The following ANK2 variants were observed in gnomAD, a reference collection of about 807,000 sequenced individuals.
ANK2 encodes ankyrin 2.
In ANK2, 83 loss-of-function variants were observed where a neutral mutation model predicts 360.5. That is an observed-to-expected ratio of 0.23 (90% CI 0.19 to 0.28). ANK2 has a LOEUF of 0.28. ANK2 is among the 10% of genes least tolerant of loss of function. The pLI is 1.00. For synonymous variants in ANK2, 1,740 were observed against 1,759.5 expected (o/e 0.99, Z 0.28); for missense variants, 4,201 against 4,795.7 (o/e 0.88, Z 3.66).
At chr4:113,016,474 G>C (rs941918783) in intron 2 of ANK2, among the ~76,000 whole-genome samples, 2 of 152,040 alleles carry the variant, frequency 1.3e-5, no homozygotes, top group Non-Finnish European at 2.9e-5. Context: ...TCCACTCTGA[G>C]CCCTCCTGCC....
intron 2 of ANK2, among the ~76,000 whole-genome samples, chr4:112,908,194 A>G (rs1422270676): frequency 1.3e-5 from 2 of 152,230 alleles, no homozygotes; most frequent in African/African-American, 4.8e-5. Context: ...ACTTGCTAAC[A>G]GAGTTATAAA....
chr4:112,799,977 A>G, the ANK2 span, among the ~76,000 whole-genome samples: 17 of 152,250 alleles, frequency 1.1e-4, no homozygotes, highest in African/African-American at 4.1e-4. Flanking sequence ...AAGAATGAAC[A>G]AGAATCCACA....
intron 1 of ANK2, among the ~76,000 whole-genome samples, chr4:112,879,513 A>T (rs975813233): frequency 6.6e-6 from 1 of 152,180 alleles, no homozygotes; most frequent in Non-Finnish European, 1.5e-5. Context: ...GACCCAATAC[A>T]GAACCACCCA....
At position 113,357,472 on chromosome 4, in the gene ANK2, A is replaced by G; in HGVS notation, c.8854A>G (p.Thr2952Ala). ...AACCCAAACAGATGCAAATCACACC[A>G]CAAGTTTTCACTCTTCTGAAGTGTA... ...SKTQTDANHT[T>A]SFHSSEVYSV... The change falls in exon 38 of 46, where the codon ACA becomes GCA. Residue 2952 changes from threonine (T) to alanine (A), a missense_variant. Transcript: ENST00000357077. The G allele has an allele frequency of 6.2e-7, 1 of 1,614,082 alleles. No individual in the cohort carries two copies. Among genetic ancestry groups the G allele is most frequent in the South Asian group, 1.1e-5 (1 of 91,092 alleles).
intron 21 of ANK2, chr4:113,292,924 C>T (rs2068585155): frequency 5.7e-6 from 2 of 353,724 alleles, no homozygotes; most frequent in Non-Finnish European, 1.1e-5. Flanking sequence ...TGCAATTAAA[C>T]GAACTGGGAT....
rs1370693724 is a variant in ANK2 at position 113,067,723 on chromosome 4, A to G, written c.84+17911A>G. ...GGAGGACTGGAAAAAGAACATGCTCATGTTTTTGCCCCCAGAGATGATTTC... is the reference window on the plus strand; with the variant it reads ...GGAGGACTGGAAAAAGAACATGCTCGTGTTTTTGCCCCCAGAGATGATTTC... On this transcript the variant is annotated intron_variant, in intron 1 of 45. Coordinates refer to ENST00000357077, the MANE Select transcript of ANK2 (RefSeq NM_001148.6). Among the ~76,000 whole-genome samples, 5 of 152,210 alleles carry G rather than the reference A, an allele frequency of 3.3e-5. No homozygotes were observed. The South Asian group carries it at 6.2e-4, about 19-fold the overall frequency.
At chr4:113,207,704 A>AAAAC (rs1562891550) in intron 4 of ANK2, among the ~76,000 whole-genome samples, 2 of 150,384 alleles carry the variant, frequency 1.3e-5, no homozygotes, top group Non-Finnish European at 3.0e-5. Flanking sequence ...AAAAAAAAAA[A>AAAAC]AAGAAGAAGT....
At chr4:113,095,152 A>T (rs190122535) in intron 1 of ANK2, among the ~76,000 whole-genome samples, 2 of 152,352 alleles carry the variant, frequency 1.3e-5, no homozygotes, top group Non-Finnish European at 2.9e-5. Context: ...CTCAGTGGCA[A>T]GAAGTGCTCT....
In ANK2 at chr4:112,907,800, A is replaced by G. The variant is rs528342729; in HGVS notation, c.21+3286A>G. On this transcript the variant is annotated intron_variant, in intron 2 of 30. Transcript: ENST00000503271. ...AGCTCAGCAAAAATCACTGCTAAAT[A>G]TATTACAAATCTGGGATTTGAAAAG... Among the ~76,000 whole-genome samples, 3 of 152,328 alleles carry G rather than the reference A, an allele frequency of 2.0e-5. No individual in the cohort carries two copies. In the South Asian group the frequency reaches 6.2e-4, roughly 32 times the overall value.
Position 113,360,910 on chromosome 4 carries a change from T to C in ANK2, c.10756+13T>C. 6.2e-7 allele frequency: 1 copy of C among 1,610,050 alleles called. No homozygotes were observed. The highest frequency in any genetic ancestry group is 8.5e-7 in the Non-Finnish European group (1 of 1,177,784). On this transcript the variant is annotated intron_variant, in intron 39 of 45. Coordinates refer to ENST00000357077, the MANE Select transcript of ANK2 (RefSeq NM_001148.6). ...TTCAGCTGGACAGGTAAAAAGAATGTGACCCAGGTTTTCAACAAAACCTGA... is the reference window on the plus strand; with the variant it reads ...TTCAGCTGGACAGGTAAAAAGAATGCGACCCAGGTTTTCAACAAAACCTGA...
At chr4:113,213,952 TTTA>T (rs1554280407) in intron 4 of ANK2, 1 of 466,884 alleles carries the variant, frequency 2.1e-6, no homozygotes, top group Non-Finnish European at 3.4e-6. Context: ...TGCTGTTTTA[TTTA>T]TTTTTTTTTT....
intron 1 of ANK2, among the ~76,000 whole-genome samples, chr4:113,051,914 TA>T (rs2067228424): frequency 6.6e-6 from 1 of 152,212 alleles, no homozygotes; most frequent in East Asian, 1.9e-4. Context: ...GTTATTCTCT[TA>T]AATGGAATTT....
At chr4:113,281,042 T>C (rs2062125460) in intron 17 of ANK2, among the ~76,000 whole-genome samples, 1 of 152,172 alleles carries the variant, frequency 6.6e-6, no homozygotes, top group Non-Finnish European at 1.5e-5. Context: ...CTGAATTTCC[T>C]TCAGTTGCTT....
intron 1 of ANK2, among the ~76,000 whole-genome samples, chr4:112,866,843 T>A (rs1242967751): frequency 6.6e-6 from 1 of 152,166 alleles, no homozygotes; most frequent in African/African-American, 2.4e-5. Flanking sequence ...CTACTGATAA[T>A]CTTTTGTGGT....
At chr4:113,061,416 C>T (rs1246768869) in intron 1 of ANK2, among the ~76,000 whole-genome samples, 2 of 152,026 alleles carry the variant, frequency 1.3e-5, no homozygotes, top group Non-Finnish European at 2.9e-5. Flanking sequence ...TTTTTGGTAA[C>T]CTTTATTTAT....
intron 2 of ANK2, among the ~76,000 whole-genome samples, chr4:112,932,896 T>A (rs1425752901): frequency 1.3e-5 from 2 of 152,198 alleles, no homozygotes; most frequent in Non-Finnish European, 2.9e-5. Context: ...CAAAATCAAC[T>A]CCCTTTCTTC....
chr4:112,718,461 C>A, the ANK2 span, among the ~76,000 whole-genome samples: 3 of 150,566 alleles, frequency 2.0e-5, no homozygotes, highest in African/African-American at 4.9e-5. Context: ...ATTACAGGCA[C>A]CCACCACCAC....
intron 2 of ANK2, among the ~76,000 whole-genome samples, chr4:112,908,883 G>A (rs1045035150): frequency 5.3e-5 from 8 of 152,186 alleles, no homozygotes; most frequent in African/African-American, 1.9e-4. Flanking sequence ...CACACATTAA[G>A]ATCTGTACCT....
At chr4:112,812,209 G>A in the ANK2 span, among the ~76,000 whole-genome samples, 1 of 51,808 alleles carries the variant, frequency 1.9e-5, no homozygotes, top group South Asian at 6.1e-4. Flanking sequence ...TCAATGAGGG[G>A]CAAATATGTC....
Sources: allele counts gnomAD v4.1 joint callset (sites outside exome capture counted in the v4.1 genomes callset), GRCh38; gene constraint gnomAD v4.1.1; transcripts MANE v1.5; gene names NCBI Gene and HGNC (gene_info 2026-07-23, HGNC 2026-07-21).